The following ANO1 variants were observed in gnomAD, a reference collection of about 807,000 sequenced individuals.
ANO1 encodes the protein anoctamin 1.
In ANO1, 59 loss-of-function variants were observed where a neutral mutation model predicts 124.0. The observed-to-expected ratio is 0.48, with a 90% CI of 0.39 to 0.59. The LOEUF is 0.59. ANO1 is among the 20% of genes least tolerant of loss of function. ANO1 has a pLI of 0.00. For synonymous variants in ANO1, 529 were observed against 532.0 expected (o/e 0.99, Z 0.08); for missense variants, 1,059 against 1,328.0 (o/e 0.80, Z 3.15).
rs771462596 is a variant in ANO1, at chr11:70,153,050, T to C, written c.1354-7T>C. The stretch of plus-strand genomic sequence containing the variant: ...AGGACTCTGTCTTGACTTGGTTTCA[T>C]TCACAGGATCATCCTAGAGCTGAAT... On this transcript the variant is annotated splice_polypyrimidine_tract_variant and splice_region_variant and intron_variant, in intron 13 of 25. Transcript: ENST00000355303. 6.2e-7 allele frequency: 1 copy of C among 1,601,142 alleles called. No individual in the cohort carries two copies. Among genetic ancestry groups the C allele is most frequent in the East Asian group, 2.2e-5 (1 of 44,572 alleles).
chr11:70,017,006 C>G (rs1437776628), intron 1 of ANO1, among the ~76,000 whole-genome samples: 1 of 152,238 alleles, frequency 6.6e-6, no homozygotes, highest in Non-Finnish European at 1.5e-5. Context: ...CTTTCTTCCC[C>G]TCTAGAATCC....
the ANO1 span, among the ~76,000 whole-genome samples, chr11:69,978,405 C>T: frequency 1.3e-5 from 2 of 152,280 alleles, no homozygotes; most frequent in African/African-American, 4.8e-5. Flanking sequence ...GGCTGGAGTG[C>T]AGTGGCACGA....
chr11:70,108,377 A>G lies in ANO1; in HGVS notation c.772A>G (p.Thr258Ala). The change falls in exon 6 of 26, where the codon ACG becomes GCG. Residue 258 changes from threonine to alanine, a missense_variant. Physicochemically the swap from Thr to Ala is moderately conservative, Grantham distance 58 (BLOSUM62 0). This residue lies in a region of ANO1 where 809 missense variants were observed against 1,094.9 expected (regional missense o/e 0.74). Transcript: ENST00000355303. ...GGTCTATGAGATCTTGAAGAGAACG[A>G]CGTGTACAAAGGCCAAGTACAGCAT... Reference protein sequence around the residue: ...TIVYEILKRTTCTKAKYSMGI... With the variant: ...TIVYEILKRTACTKAKYSMGI... The G allele has an allele frequency of 6.2e-7, 1 of 1,612,686 alleles. No homozygotes were observed. The highest frequency in any genetic ancestry group is 8.5e-7 in the Non-Finnish European group (1 of 1,178,948).
chr11:70,169,359 G>A (rs144646948), intron 21 of ANO1, among the ~76,000 whole-genome samples: 1,859 of 151,926 alleles, frequency 0.012, 20 homozygotes, highest in Non-Finnish European at 0.019. Flanking sequence ...CCACCCCATG[G>A]GCTGCCAGTC....
intron 1 of ANO1, among the ~76,000 whole-genome samples, chr11:70,000,122 T>A (rs1417841912): frequency 6.6e-6 from 1 of 152,132 alleles, no homozygotes; most frequent in African/African-American, 2.4e-5. Context: ...TGAGGTCACT[T>A]TTTGGATGGA....
chr11:70,178,525 C>T (rs2048815963), intron 22 of ANO1, among the ~76,000 whole-genome samples: 2 of 151,898 alleles, frequency 1.3e-5, no homozygotes, highest in South Asian at 4.1e-4. Flanking sequence ...ACTGTCACTT[C>T]TCAAATTGCC....
chr11:70,067,767 C>T (rs982693414), intron 1 of ANO1, among the ~76,000 whole-genome samples: 2 of 152,212 alleles, frequency 1.3e-5, no homozygotes, highest in African/African-American at 2.4e-5. Flanking sequence ...CCCCCTGCCC[C>T]GGCTTGGGCA....
At chr11:69,966,237 TTGGGCAC>T in the ANO1 span, among the ~76,000 whole-genome samples, 19 of 152,294 alleles carry the variant, frequency 1.2e-4, no homozygotes, top group African/African-American at 4.1e-4. Context: ...GAGAGGATCC[TTGGGCAC>T]TGACCCTGGC....
intron 2 of ANO1, among the ~76,000 whole-genome samples, chr11:70,098,535 G>A (rs967533227): frequency 6.6e-6 from 1 of 152,164 alleles, no homozygotes; most frequent in Non-Finnish European, 1.5e-5. Context: ...CATGATTGAG[G>A]GCCAGACATC....
intron 2 of ANO1, among the ~76,000 whole-genome samples, chr11:70,094,942 C>T (rs1000040531): frequency 1.3e-5 from 2 of 152,162 alleles, no homozygotes; most frequent in African/African-American, 4.8e-5. Context: ...TGCCATGGCT[C>T]ATGCCTATAA....
At chr11:70,025,903 T>C (rs533745804) in intron 1 of ANO1, among the ~76,000 whole-genome samples, 184 of 149,488 alleles carry the variant, frequency 1.2e-3, no homozygotes, top group Middle Eastern at 0.011. Flanking sequence ...ATGATGATGA[T>C]GATGGTGGTG....
At chr11:70,085,577 G>C in intron 1 of ANO1, 1 of 1,535,912 alleles carries the variant, frequency 6.5e-7, no homozygotes, top group Non-Finnish European at 8.7e-7. Context: ...GGCATCCTAG[G>C]GCCAGAGAGG....
In ANO1 at chr11:70,107,490, C is replaced by CGGGGGGGGGGGG. The variant is rs1432604573; in HGVS notation, c.748-861_748-860insGGGGGGGGGGGG. 3.9e-3 allele frequency among the ~76,000 whole-genome samples: 243 copies of CGGGGGGGGGGGG among 62,810 alleles called. 10 individuals carry two copies. Among genetic ancestry groups the CGGGGGGGGGGGG allele is most frequent in the Admixed American group, 5.4e-3 (41 of 7,552 alleles). The allele number at this position is 62,810 out of a possible 152,430, so 41.2% of individuals were successfully genotyped here. Reference sequence around the variant, plus strand: ...TTGGGACAGGTGGGTCCAGTGGAGGCGGCGGGGCGGGGAAGCGGTCAGATG... The same window carrying CGGGGGGGGGGGG: ...TTGGGACAGGTGGGTCCAGTGGAGGCGGGGGGGGGGGGGGCGGGGCGGGGAAGCGGTCAGATG... On this transcript the variant is annotated intron_variant, in intron 5 of 25. Coordinates refer to ENST00000355303, the MANE Select transcript of ANO1 (RefSeq NM_018043.7).
In ANO1 at chr11:70,165,485, T is replaced by C; in HGVS notation, c.1966T>C (p.Cys656Arg). The change falls in exon 20 of 26, where the codon TGC becomes CGC. Residue 656 changes from cysteine (C) to arginine (R), a missense_variant. Physicochemically the swap from Cys to Arg is radical, Grantham distance 180 (BLOSUM62 -3). Transcript: ENST00000355303. ...FRMEECAPGG[C>R]LMELCIQLSI... ...CTGTCCACAGTGTGCGCCAGGGGGC[T>C]GCCTGATGGAGCTATGCATCCAGCT... The C allele has an allele frequency of 1.9e-6, 3 of 1,611,044 alleles. No individual in the cohort carries two copies. The highest frequency in any genetic ancestry group is 2.5e-6 in the Non-Finnish European group (3 of 1,178,768).
chr11:70,032,841 G>T (rs779151611), intron 1 of ANO1, among the ~76,000 whole-genome samples: 21 of 152,094 alleles, frequency 1.4e-4, no homozygotes, highest in Non-Finnish European at 2.5e-4. Flanking sequence ...GAAGTGGAGG[G>T]AAAGAGGGAA....
chr11:70,145,754 C>T (rs1340473178), intron 11 of ANO1, among the ~76,000 whole-genome samples: 1 of 151,888 alleles, frequency 6.6e-6, no homozygotes, highest in Non-Finnish European at 1.5e-5. Flanking sequence ...CTGGCCAATA[C>T]GATGAAACCC....
chr11:70,055,031 T>C (rs1284830989), intron 1 of ANO1, among the ~76,000 whole-genome samples: 3 of 152,214 alleles, frequency 2.0e-5, no homozygotes, highest in Admixed American at 2.0e-4. Flanking sequence ...GTTAGAAGAG[T>C]ATCACTTAAT....
chr11:70,111,716 G>C lies in ANO1; in HGVS notation c.809G>C (p.Ser270Thr). 1 of 1,614,020 alleles carries C rather than the reference G, an allele frequency of 6.2e-7. No individual in the cohort carries two copies. ...TKAKYSMGIT[S>T]LLANGVYAAA... The stretch of plus-strand genomic sequence containing the variant: ...TGCCTCTGTTTTTAAGGCATCACGA[G>C]CCTGCTGGCCAATGGTGTGTACGCG... The change falls in exon 7 of 26, where the codon AGC (serine) becomes ACC (threonine). Residue 270 changes from serine to threonine, a missense_variant. Ser to Thr is a moderately conservative substitution (Grantham distance 58). Around this residue, in one of 2 missense-constraint regions of ANO1, gnomAD observed 809 missense variants for 1,094.9 expected, o/e 0.74. Coordinates refer to ENST00000355303, the MANE Select transcript of ANO1 (RefSeq NM_018043.7).
At chr11:70,172,167 T>G (rs1412546213) in intron 22 of ANO1, among the ~76,000 whole-genome samples, 6 of 149,534 alleles carry the variant, frequency 4.0e-5, no homozygotes, top group Non-Finnish European at 7.4e-5. Flanking sequence ...AGAGTAACTT[T>G]AATAGTCAGA....
Sources: gnomAD v4.1 joint callset for allele counts (sites outside exome capture counted in the v4.1 genomes callset) on GRCh38, gnomAD v4.1.1 for gene constraint, gnomAD v4.1.1 regional missense constraint, MANE v1.5 for transcripts, NCBI Gene and HGNC (gene_info 2026-07-23, HGNC 2026-07-21) for gene names.